Variants in FRMPD2 observed in about 807,000 individuals in gnomAD.
The protein encoded by FRMPD2 is FERM and PDZ domain containing 2, also known as FERM and PDZ domain-containing protein 2.
In FRMPD2, 96 loss-of-function variants were observed where a neutral mutation model predicts 140.1. The ratio of observed to expected loss-of-function variants is 0.69; its 90% CI spans 0.58 to 0.81. The LOEUF is 0.81. FRMPD2 is among the 40% of genes least tolerant of loss of function. The probability of loss-of-function intolerance (pLI) is 0.00; values close to 1 mark genes in which losing one functional copy is unlikely to be tolerated. For synonymous variants in FRMPD2, 449 were observed against 547.6 expected (o/e 0.82, Z 2.52); for missense variants, 1,240 against 1,447.4 (o/e 0.86, Z 2.32).
At chr10:48,189,116 T>C (rs765911015) in intron 16 of FRMPD2, among the ~76,000 whole-genome samples, 11 of 152,174 alleles carry the variant, frequency 7.2e-5, no homozygotes, top group Non-Finnish European at 1.6e-4. Context: ...TAAAAACATT[T>C]TAAACGTGAA....
intron 28 of FRMPD2, among the ~76,000 whole-genome samples, chr10:48,162,176 T>C (rs557508197): frequency 0.016 from 2,270 of 143,470 alleles, 116 homozygotes; most frequent in African/African-American, 0.056. Flanking sequence ...GAACTATAAA[T>C]ACACTTATGT....
intron 3 of FRMPD2, among the ~76,000 whole-genome samples, chr10:48,246,359 T>C (rs749491364): frequency 1.3e-5 from 2 of 152,176 alleles, no homozygotes; most frequent in Non-Finnish European, 2.9e-5. Flanking sequence ...TGTCTAAAAG[T>C]GTCTTAGGGC....
chr10:48,212,454 C>T (rs1252328739), intron 12 of FRMPD2, among the ~76,000 whole-genome samples: 8 of 152,154 alleles, frequency 5.3e-5, no homozygotes, highest in South Asian at 2.1e-4. Flanking sequence ...CTCAACAGGG[C>T]GAAGATCACA....
chr10:48,239,073 G>C (rs1369750996), intron 7 of FRMPD2, among the ~76,000 whole-genome samples: 1 of 152,060 alleles, frequency 6.6e-6, no homozygotes, highest in Non-Finnish European at 1.5e-5. Flanking sequence ...AACAATCCTA[G>C]GCTGACCTGC....
chr10:48,244,708 T>C (rs1840203658), intron 4 of FRMPD2, 76 bp downstream of exon 4: 1 of 1,110,684 alleles, frequency 9.0e-7, no homozygotes, highest in Admixed American at 1.7e-5. Flanking sequence ...GTAAATGTGG[T>C]CCCTGCCCAG....
chr10:48,177,842 G>A (rs1369460262), intron 22 of FRMPD2: 2 of 447,122 alleles, frequency 4.5e-6, no homozygotes, highest in African/African-American at 2.0e-5. Context: ...CCTAGTGCAT[G>A]CCCTGCTCAT....
chr10:48,264,044 C>A (rs1000477963), intron 1 of FRMPD2, among the ~76,000 whole-genome samples: 1 of 151,774 alleles, frequency 6.6e-6, no homozygotes, highest in African/African-American at 2.4e-5. Context: ...ATTATATAAT[C>A]AAATTTATTA....
At chr10:48,221,023 C>T (rs1185583137) in intron 12 of FRMPD2, among the ~76,000 whole-genome samples, 8 of 152,232 alleles carry the variant, frequency 5.3e-5, no homozygotes, top group Non-Finnish European at 4.4e-5. Context: ...CTATGGAAAG[C>T]AGTGTGGAGA....
At chr10:48,236,434 A>C in intron 9 of FRMPD2, 48 bp downstream of exon 9, 1 of 1,562,864 alleles carries the variant, frequency 6.4e-7, no homozygotes, top group Non-Finnish European at 8.8e-7. Context: ...GCAACTGCCC[A>C]CTTCCCTCGC....
Position 48,212,022 on chromosome 10 carries a change from C to T in FRMPD2, c.1543G>A (p.Glu515Lys), listed in dbSNP as rs1417014745. ...CTGAGCCGGTGCATCTCTGAGACTT[C>T]AACCTGGACCCGTAGAGCGGTCATC... ...ERMTALRVQV[E>K]VSEMHRLSSA... is the part of the protein sequence containing the mutation. The change falls in exon 13 of 29, where the codon GAA (glutamate) becomes AAA (lysine). Residue 515 changes from glutamate (E) to lysine (K), a missense_variant. Transcript: ENST00000374201. 5 of 1,614,014 alleles carry T rather than the reference C, an allele frequency of 3.1e-6. No homozygotes were observed. The African/African-American group carries it at 4.0e-5, about 13-fold the overall frequency.
In FRMPD2 at chr10:48,184,769, T is replaced by C; in HGVS notation, c.2467+5A>G. 6.2e-7 allele frequency: 1 copy of C among 1,608,200 alleles called. No individual in the cohort carries two copies. The highest frequency in any genetic ancestry group is 8.5e-7 in the Non-Finnish European group (1 of 1,176,034). ...CAGCATCTCTAGTAATTTAAAAAGA[T>C]GTACCTGGTTTGATCGTTTTTGCTT... On this transcript the variant is annotated splice_donor_5th_base_variant and intron_variant, in intron 19 of 28. Transcript: ENST00000374201.
At chr10:48,240,059 A>T (rs895361492) in intron 6 of FRMPD2, among the ~76,000 whole-genome samples, 1 of 152,240 alleles carries the variant, frequency 6.6e-6, no homozygotes, top group African/African-American at 2.4e-5. Flanking sequence ...TGAAAAAAAA[A>T]TCAAGTTTTT....
chr10:48,239,719 T>G (rs756312474), intron 6 of FRMPD2, 27 bp from the exon 7 acceptor site: 3 of 1,566,132 alleles, frequency 1.9e-6, no homozygotes, highest in Non-Finnish European at 2.6e-6. Flanking sequence ...GTAGAGGGTA[T>G]GGGCAGAAGC....
intron 24 of FRMPD2, among the ~76,000 whole-genome samples, chr10:48,174,332 GA>G (rs201186272): frequency 0.25 from 37,434 of 150,232 alleles, 3,956 homozygotes; most frequent in Non-Finnish European, 0.35. Flanking sequence ...GAATAAAGGG[GA>G]CATAAAGGAT....
In FRMPD2 at chr10:48,184,700, C is replaced by T. The variant is rs1838634841; in HGVS notation, c.2468-18G>A. The T allele has an allele frequency of 1.3e-6, 2 of 1,594,922 alleles. No homozygotes were observed. Among genetic ancestry groups the T allele is most frequent in the Non-Finnish European group, 1.7e-6 (2 of 1,164,376 alleles). On this transcript the variant is annotated intron_variant, in intron 19 of 28. Coordinates refer to ENST00000374201, the MANE Select transcript of FRMPD2 (RefSeq NM_001018071.4). ...CTGCCCTCCTAGAAAAATAAAACAT[C>T]TCAATAATCCTTCAAGGAAATAAAA...
rs147830076 is a variant in FRMPD2 at position 48,233,389 on chromosome 10, T to C, written c.994-1100A>G. Among the ~76,000 whole-genome samples, 741 of 152,320 alleles carry C rather than the reference T, an allele frequency of 4.9e-3. 10 individuals are homozygous for C. The highest frequency in any genetic ancestry group is 0.017 in the African/African-American group (703 of 41,574). On this transcript the variant is annotated intron_variant, in intron 9 of 28. Coordinates refer to ENST00000374201, the MANE Select transcript of FRMPD2 (RefSeq NM_001018071.4). The stretch of plus-strand genomic sequence containing the variant: ...GTGAGGAGACCACTCCCAAGATGGT[T>C]CTGTCAGTCTGGCACAAGGCCTAGG...
In FRMPD2 at chr10:48,184,606, A is replaced by T. The variant is rs1345477974; in HGVS notation, c.2544T>A (p.Asn848Lys). ...TAATTAATTCTATGTTGTCAGGGGA[A>T]TTCTGGATCATCCTAACAGCCATGT... The part of the protein sequence containing the change: ...TFNMAVRMIQ[N>K]SPDNIELIIS... Residue 848 changes from asparagine to lysine, a missense_variant, in exon 20 of 29, where the codon AAT becomes AAA. Physicochemically the swap from Asn to Lys is moderately conservative, Grantham distance 94. Around this residue, in one of 6 missense-constraint regions of FRMPD2, gnomAD observed 1,161 missense variants for 1,055.9 expected, o/e 1.10. Transcript: ENST00000374201. 6.2e-7 allele frequency: 1 copy of T among 1,613,448 alleles called. No individual in the cohort carries two copies. The highest frequency in any genetic ancestry group is 8.5e-7 in the Non-Finnish European group (1 of 1,179,354).
At chr10:48,211,670 G>A (rs1408969719) in intron 13 of FRMPD2, among the ~76,000 whole-genome samples, 2 of 151,954 alleles carry the variant, frequency 1.3e-5, no homozygotes, top group Non-Finnish European at 2.9e-5. Context: ...TAATCCCAGA[G>A]CGAGACTCCA....
Position 48,192,686 on chromosome 10 carries a change from G to A in FRMPD2, c.2163C>T (p.Arg721=), listed in dbSNP as rs116457606. The change falls in exon 16 of 29, where the codon CGC becomes CGT. Residue 721 remains arginine, a splice_region_variant and synonymous_variant. Coordinates refer to ENST00000374201, the MANE Select transcript of FRMPD2 (RefSeq NM_001018071.4). ...GAGAACAAATGTGTCACACCCACCT[G>A]CGCCCGATGCCTTCTGCTCCAGCCT... ...SKEAGAEGIG[R]SPCTGREQLK... The A allele has an allele frequency of 2.9e-4, 473 of 1,613,808 alleles. 2 individuals carry two copies. The African/African-American group carries it at 5.9e-3, about 20-fold the overall frequency.
Sources: gnomAD v4.1 joint callset for allele counts (sites outside exome capture counted in the v4.1 genomes callset) on GRCh38, gnomAD v4.1.1 for gene constraint, gnomAD v4.1.1 regional missense constraint, MANE v1.5 for transcripts, NCBI Gene and HGNC (gene_info 2026-07-23, HGNC 2026-07-21) for gene names.